Variants in CYRIB observed in about 807,000 individuals in gnomAD.
The protein encoded by CYRIB is CYFIP-related Rac1 interactor B.
A neutral mutation model predicts 44.2 loss-of-function variants in CYRIB; 8 were observed. That is an observed-to-expected ratio of 0.18 (90% confidence interval 0.11 to 0.33). The LOEUF (loss-of-function observed/expected upper bound fraction) is 0.33, where lower values mean the gene tolerates loss of function less well. CYRIB is among the 10% of genes least tolerant of loss of function. The probability of loss-of-function intolerance (pLI) is 1.00; values close to 1 mark genes in which losing one functional copy is unlikely to be tolerated. For synonymous variants in CYRIB, 131 were observed against 127.2 expected (o/e 1.03, Z -0.20); for missense variants, 185 against 382.8 (o/e 0.48, Z 4.31).
chr8:129,990,736 C>T (rs1163912584), intron 1 of CYRIB, among the ~76,000 whole-genome samples: 2 of 151,916 alleles, frequency 1.3e-5, no homozygotes, highest in African/African-American at 4.8e-5. Flanking sequence ...GTTGCCCAGG[C>T]TTGTCTTGAA....
At chr8:129,867,547 G>T (rs2054435627) in intron 4 of CYRIB, among the ~76,000 whole-genome samples, 1 of 151,408 alleles carries the variant, frequency 6.6e-6, no homozygotes, top group Non-Finnish European at 1.5e-5. Flanking sequence ...TTATTTAATA[G>T]ATTCTATCTT....
intron 1 of CYRIB, among the ~76,000 whole-genome samples, chr8:129,913,428 A>G (rs1456332802): frequency 6.6e-6 from 1 of 152,254 alleles, no homozygotes; most frequent in Admixed American, 6.5e-5. Context: ...TTTAAAATAC[A>G]TACACGTGCA....
At chr8:129,860,089 A>ATTCTCC in intron 5 of CYRIB, among the ~76,000 whole-genome samples, 1 of 152,282 alleles carries the variant, frequency 6.6e-6, no homozygotes, top group East Asian at 1.9e-4. Context: ...TTCTCCTTAG[A>ATTCTCC]ACTGCAAGAT....
chr8:130,005,278 C>T (rs181346960), intron 1 of CYRIB, among the ~76,000 whole-genome samples: 6 of 152,186 alleles, frequency 3.9e-5, no homozygotes, highest in African/African-American at 1.2e-4. Context: ...CAGCCCAGCT[C>T]GGATCAGAAC....
intron 2 of CYRIB, among the ~76,000 whole-genome samples, chr8:129,897,733 G>A (rs760486504): frequency 3.3e-5 from 5 of 151,316 alleles, no homozygotes; most frequent in African/African-American, 4.9e-5. Flanking sequence ...CCAGGAGTTC[G>A]AGACCAGCCT....
intron 1 of CYRIB, among the ~76,000 whole-genome samples, chr8:129,976,166 T>C (rs979739144): frequency 1.3e-5 from 2 of 152,138 alleles, no homozygotes; most frequent in Non-Finnish European, 2.9e-5. Context: ...TGTTTATCAC[T>C]TGTTTTTTTT....
intron 1 of CYRIB, among the ~76,000 whole-genome samples, chr8:129,908,335 T>A (rs1296101711): frequency 6.6e-6 from 1 of 151,840 alleles, no homozygotes; most frequent in African/African-American, 2.4e-5. Flanking sequence ...GGCAAAACAA[T>A]AAATTATGAA....
chr8:129,970,143 T>C (rs968446076), intron 2 of CYRIB, among the ~76,000 whole-genome samples: 3 of 152,226 alleles, frequency 2.0e-5, no homozygotes, highest in African/African-American at 7.2e-5. Flanking sequence ...TTAAGATTTG[T>C]GCATTTTACA....
At chr8:129,937,675 C>T (rs1018945943) in intron 1 of CYRIB, among the ~76,000 whole-genome samples, 3 of 152,190 alleles carry the variant, frequency 2.0e-5, no homozygotes, top group African/African-American at 7.2e-5. Flanking sequence ...AATTAACTTA[C>T]TAACCACGCC....
intron 4 of CYRIB, chr8:129,865,074 G>C (rs2052674911): frequency 6.4e-6 from 1 of 157,334 alleles, no homozygotes; most frequent in African/African-American, 2.4e-5. Flanking sequence ...ATATATGTTT[G>C]TATAATTAAT....
intron 3 of CYRIB, among the ~76,000 whole-genome samples, chr8:129,873,283 G>C (rs1409733885): frequency 6.6e-6 from 1 of 151,814 alleles, no homozygotes; most frequent in Admixed American, 6.6e-5. Flanking sequence ...AGGCTACAAA[G>C]GTATTATCAC....
At chr8:129,936,999 G>T (rs943642586) in intron 1 of CYRIB, among the ~76,000 whole-genome samples, 1 of 152,104 alleles carries the variant, frequency 6.6e-6, no homozygotes, top group Non-Finnish European at 1.5e-5. Flanking sequence ...GAGCCACTGC[G>T]CCCAGCCAGC....
chr8:129,997,702 C>T (rs1053151839), intron 1 of CYRIB, among the ~76,000 whole-genome samples: 1 of 152,150 alleles, frequency 6.6e-6, no homozygotes, highest in Non-Finnish European at 1.5e-5. Flanking sequence ...TTCCCCTCCC[C>T]CTCCTGCCAC....
At chr8:129,885,810 T>TA (rs1400707554) in intron 2 of CYRIB, among the ~76,000 whole-genome samples, 1 of 151,204 alleles carries the variant, frequency 6.6e-6, no homozygotes, top group Non-Finnish European at 1.5e-5. Flanking sequence ...TTCCACACAT[T>TA]AAAAAAAATT....
intron 1 of CYRIB, among the ~76,000 whole-genome samples, chr8:130,005,720 A>G (rs1452135618): frequency 6.6e-6 from 1 of 152,014 alleles, no homozygotes; most frequent in African/African-American, 2.4e-5. Context: ...CTGGGAACCT[A>G]TAATTCCAGC....
upstream of CYRIB, among the ~76,000 whole-genome samples, chr8:129,944,365 CTG>C (rs1208783732): frequency 6.6e-6 from 1 of 152,304 alleles, no homozygotes; most frequent in African/African-American, 2.4e-5. Context: ...GAAGAGGAGA[CTG>C]GGGTTGTCGG....
At chr8:129,989,934 G>A (rs2096585918) in intron 1 of CYRIB, among the ~76,000 whole-genome samples, 2 of 151,900 alleles carry the variant, frequency 1.3e-5, no homozygotes, top group Admixed American at 1.3e-4. Flanking sequence ...TGAGAATGAT[G>A]GTTTCCAGCT....
intron 1 of CYRIB, among the ~76,000 whole-genome samples, chr8:129,977,238 A>G (rs1215306446): frequency 6.6e-6 from 1 of 152,170 alleles, no homozygotes; most frequent in Admixed American, 6.5e-5. Flanking sequence ...CAGACAGAGA[A>G]GGCATCTAAC....
chr8:129,994,638 C>G (rs1406310159), intron 1 of CYRIB, among the ~76,000 whole-genome samples: 1 of 152,244 alleles, frequency 6.6e-6, no homozygotes, highest in Non-Finnish European at 1.5e-5. Flanking sequence ...AGGCCCACAG[C>G]AGGCACAGGG....
Sources: gnomAD v4.1 joint callset for allele counts (sites outside exome capture counted in the v4.1 genomes callset) on GRCh38, gnomAD v4.1.1 for gene constraint, MANE v1.5 for transcripts, NCBI Gene and HGNC (gene_info 2026-07-23, HGNC 2026-07-21) for gene names.